The following LAMA2 variants were observed in gnomAD, a reference collection of about 807,000 sequenced individuals.
The protein encoded by LAMA2 is laminin subunit alpha-2.
Under a neutral mutation model 364.8 loss-of-function variants are expected in LAMA2, and 269 were observed. That is an observed-to-expected ratio of 0.74 (90% CI 0.67 to 0.82). The LOEUF (loss-of-function observed/expected upper bound fraction) is 0.82, where lower values mean the gene tolerates loss of function less well. Among genes scored for constraint, LAMA2 ranks in the 40% least tolerant of loss-of-function variants. LAMA2 has a pLI of 0.00. For synonymous variants in LAMA2, 1,379 were observed against 1,370.6 expected (o/e 1.01, Z -0.14); for missense variants, 3,807 against 3,873.2 (o/e 0.98, Z 0.45).
chr6:128,982,330 C>G (rs1403428007), intron 1 of LAMA2, among the ~76,000 whole-genome samples: 1 of 152,152 alleles, frequency 6.6e-6, no homozygotes, highest in Non-Finnish European at 1.5e-5. Flanking sequence ...TACTGTGTAT[C>G]TATAGCCAAC....
rs1787082652 is a variant in LAMA2 at position 129,516,391 on chromosome 6, T to C, written c.*44T>C. On this transcript the variant is annotated 3_prime_UTR_variant, in exon 65 of 65. Transcript: ENST00000421865. ...CAGGAAGAGTCTGTCAAAACAAGTA[T>C]ATCAAGTAAAACAAACAAATATATT... The C allele has an allele frequency of 6.3e-7, 1 of 1,580,500 alleles. No individual in the cohort carries two copies.
At chr6:129,251,072 C>CTATATATA (rs1786187013) in intron 13 of LAMA2, among the ~76,000 whole-genome samples, 4 of 65,060 alleles carry the variant, frequency 6.1e-5, no homozygotes, top group African/African-American at 1.5e-4. Context: ...CTCTCTCTCT[C>CTATATATA]TCTCTATATA....
chr6:129,122,271 C>T (rs1180017447), intron 4 of LAMA2, among the ~76,000 whole-genome samples: 1 of 152,140 alleles, frequency 6.6e-6, no homozygotes, highest in Non-Finnish European at 1.5e-5. Context: ...TTGAGAAAAT[C>T]TTATATGAGA....
chr6:129,498,776 A>C (rs529353456), intron 58 of LAMA2, among the ~76,000 whole-genome samples: 1 of 152,328 alleles, frequency 6.6e-6, no homozygotes, highest in African/African-American at 2.4e-5. Flanking sequence ...ATGTAATATA[A>C]ATCTCTGCTC....
At chr6:128,962,139 CATATATAT>C (rs55906092) in intron 1 of LAMA2, among the ~76,000 whole-genome samples, 1,557 of 38,044 alleles carry the variant, frequency 0.041, 72 homozygotes, top group African/African-American at 0.087. Flanking sequence ...TCCTCTGGAC[CATATATAT>C]ATATATATAT....
chr6:129,195,312 A>G (rs189926493), intron 12 of LAMA2, among the ~76,000 whole-genome samples: 76 of 152,336 alleles, frequency 5.0e-4, no homozygotes, highest in African/African-American at 1.7e-3. Context: ...AAAGTGGCTC[A>G]CATGGGACAC....
intron 12 of LAMA2, among the ~76,000 whole-genome samples, chr6:129,246,895 G>A (rs1304025348): frequency 1.3e-5 from 2 of 152,074 alleles, no homozygotes; most frequent in Admixed American, 1.3e-4. Context: ...TATTCTCAAA[G>A]CTTTTTCCCT....
intron 1 of LAMA2, among the ~76,000 whole-genome samples, chr6:128,938,023 T>C (rs1779936391): frequency 6.6e-6 from 1 of 152,144 alleles, no homozygotes; most frequent in Non-Finnish European, 1.5e-5. Context: ...CTCTTTGGAT[T>C]TCTTCTTTGA....
chr6:128,929,828 A>C, intron 1 of LAMA2: 6 of 1,040,870 alleles, frequency 5.8e-6, no homozygotes, highest in Non-Finnish European at 4.5e-6. Flanking sequence ...GAAGATACGC[A>C]GTCCCTTGTA....
chr6:129,232,739 G>A (rs1784746160), intron 12 of LAMA2, among the ~76,000 whole-genome samples: 3 of 152,058 alleles, frequency 2.0e-5, no homozygotes, highest in Admixed American at 2.0e-4. Flanking sequence ...CTTTGCAAAT[G>A]TGACTAAGTT....
chr6:129,392,880 A>G (rs530314520), intron 36 of LAMA2, among the ~76,000 whole-genome samples, 165 bp from the exon 37 acceptor site: 1 of 152,340 alleles, frequency 6.6e-6, no homozygotes, highest in African/African-American at 2.4e-5. Context: ...GGTCTCAGGT[A>G]CCAGTTTTCA....
At chr6:129,245,714 G>A (rs1216670240) in intron 12 of LAMA2, among the ~76,000 whole-genome samples, 3 of 152,072 alleles carry the variant, frequency 2.0e-5, no homozygotes, top group Non-Finnish European at 4.4e-5. Flanking sequence ...CACTGACTCT[G>A]CATCAGGCTT....
At chr6:129,050,580 T>C (rs1787931168) in intron 2 of LAMA2, among the ~76,000 whole-genome samples, 1 of 152,112 alleles carries the variant, frequency 6.6e-6, no homozygotes, top group African/African-American at 2.4e-5. Flanking sequence ...GAAGGAGCGA[T>C]ATCCAAGCTG....
At chr6:128,958,139 A>G (rs1174481752) in intron 1 of LAMA2, among the ~76,000 whole-genome samples, 1 of 152,100 alleles carries the variant, frequency 6.6e-6, no homozygotes, top group Non-Finnish European at 1.5e-5. Context: ...GAAATAAGTA[A>G]TCTAATGAAT....
intron 3 of LAMA2, among the ~76,000 whole-genome samples, chr6:129,072,398 T>A (rs1773375620): frequency 6.6e-6 from 1 of 152,192 alleles, no homozygotes; most frequent in Admixed American, 6.5e-5. Context: ...AGCTTCCTTT[T>A]TTCTCTGTGT....
intron 51 of LAMA2, among the ~76,000 whole-genome samples, chr6:129,471,856 T>C (rs930553698): frequency 6.6e-6 from 1 of 151,924 alleles, no homozygotes; most frequent in Admixed American, 6.6e-5. Context: ...CATTGGTATG[T>C]GTATTTTAGT....
In LAMA2 at chr6:129,320,627, C is replaced by T. The variant is rs1233536347; in HGVS notation, c.4148C>T (p.Pro1383Leu). 4 of 1,612,162 alleles carry T rather than the reference C, an allele frequency of 2.5e-6. No individual in the cohort carries two copies. Among genetic ancestry groups the T allele is most frequent in the Non-Finnish European group, 3.4e-6 (4 of 1,178,318 alleles). ...GACTTGATTGAAAAATGTGATTGTC[C>T]CCTGGGCTATTCTGGCCTGTCCTGT... ...PADLIEKCDC[P>L]LGYSGLSCEA... Residue 1383 changes from proline (P) to leucine (L), a missense_variant, in exon 28 of 65, where the codon CCC becomes CTC. Transcript: ENST00000421865.
chr6:129,285,030 G>C (rs1789004801), intron 18 of LAMA2, among the ~76,000 whole-genome samples: 1 of 152,132 alleles, frequency 6.6e-6, no homozygotes, highest in African/African-American at 2.4e-5. Context: ...GAGAGGGCTT[G>C]ACATTTCACA....
chr6:129,071,294 T>C (rs2114818985), intron 3 of LAMA2, among the ~76,000 whole-genome samples: 1 of 152,304 alleles, frequency 6.6e-6, no homozygotes, highest in African/African-American at 2.4e-5. Flanking sequence ...TGTGTAACCT[T>C]TGTTTTTCCT....
Sources: gnomAD v4.1 joint callset for allele counts (sites outside exome capture counted in the v4.1 genomes callset) on GRCh38, gnomAD v4.1.1 for gene constraint, MANE v1.5 for transcripts, NCBI Gene and HGNC (gene_info 2026-07-23, HGNC 2026-07-21) for gene names.